COL5A3: variants seen among roughly 807,000 people sequenced by gnomAD.
COL5A3 encodes collagen type V alpha 3 chain, also known as collagen alpha-3(V) chain.
In COL5A3, 172 loss-of-function variants were observed where a neutral mutation model predicts 250.0. The ratio of observed to expected loss-of-function variants is 0.69; its 90% CI spans 0.61 to 0.78. The LOEUF (loss-of-function observed/expected upper bound fraction) is 0.78, where lower values mean the gene tolerates loss of function less well. COL5A3 is among the 30% of genes least tolerant of loss of function. The probability of loss-of-function intolerance (pLI) is 0.00; values close to 1 mark genes in which losing one functional copy is unlikely to be tolerated. For synonymous variants in COL5A3, 937 were observed against 900.4 expected, an observed-to-expected ratio of 1.04 and a Z score of -0.73; for missense variants, 2,340 against 2,334.4, an observed-to-expected ratio of 1.00 and a Z score of -0.05.
chr19:9,995,941 A>C (rs539949030), intron 15 of COL5A3, 125 bp downstream of exon 15: 1 of 976,556 alleles, frequency 1.0e-6, no homozygotes, highest in East Asian at 2.6e-5. Flanking sequence ...ACCATTCTCT[A>C]GGAAAGTCAT....
Position 9,968,149 on chromosome 19 carries a change from C to G in COL5A3, c.4315-70G>C, listed in dbSNP as rs941417813. On this transcript the variant is annotated intron_variant, in intron 59 of 66. Coordinates refer to ENST00000264828, the MANE Select transcript of COL5A3 (RefSeq NM_015719.4). This position sits in a 1 kb window ranked among gnomAD's most constrained non-coding sequence, Gnocchi z 4.1. The stretch of plus-strand genomic sequence containing the variant: ...TGCCCTGACACATCCCCCAGACAAG[C>G]CTTCAATCCTACCAAAGGAAGACCC... 3 of 1,432,566 alleles carry G rather than the reference C, an allele frequency of 2.1e-6. No homozygotes were observed. Among genetic ancestry groups the G allele is most frequent in the Non-Finnish European group, 2.9e-6 (3 of 1,043,700 alleles). 88.7% of individuals were successfully genotyped at this position (1,432,566 alleles called of 1,614,324 possible). A position where few individuals can be genotyped will look rare whatever the true frequency, so the allele number is the denominator to read the frequency against.
intron 11 of COL5A3, 84 bp from the exon 12 acceptor site, chr19:9,996,773 G>A: frequency 9.8e-7 from 1 of 1,016,764 alleles, no homozygotes; most frequent in South Asian, 1.6e-5. Flanking sequence ...AGAAGGATGA[G>A]TCAGAAAGAG....
intron 64 of COL5A3, among the ~76,000 whole-genome samples, chr19:9,963,537 G>T (rs1394122949): frequency 7.9e-6 from 1 of 126,088 alleles, no homozygotes; most frequent in African/African-American, 3.1e-5. Flanking sequence ...GATAATAGGA[G>T]TGTGCCACCA....
Position 9,966,606 on chromosome 19 carries a change from A to C in COL5A3, c.4599T>G (p.Pro1533=). ...LSLELEQLRR[P]PGTAERPGLV... is the part of the protein sequence containing the mutation. Reference sequence around the variant, plus strand: ...GGCCCGGGCGCTCCGCAGTGCCGGGAGGACGCCGCAGCTGCTCCAGCTCCA... The same window carrying C: ...GGCCCGGGCGCTCCGCAGTGCCGGGCGGACGCCGCAGCTGCTCCAGCTCCA... Residue 1533 remains proline (P), a synonymous_variant, in exon 63 of 67, where the codon CCT becomes CCG. Transcript: ENST00000264828. 6.5e-7 allele frequency: 1 copy of C among 1,539,682 alleles called. No individual in the cohort carries two copies. Among genetic ancestry groups the C allele is most frequent in the Non-Finnish European group, 8.7e-7 (1 of 1,147,002 alleles).
At position 9,989,516 on chromosome 19, in the gene COL5A3, G is replaced by A. The variant is rs373155063; in HGVS notation, c.1999C>T (p.Pro667Ser). The change falls in exon 25 of 67, where the codon CCT (proline) becomes TCT (serine). Residue 667 changes from proline (P) to serine (S), a missense_variant. Physicochemically the swap from Pro to Ser is moderately conservative, Grantham distance 74. Transcript: ENST00000264828. Reference protein sequence around the residue: ...LIGTPGEKGPPGNPGIPGLPG... With the variant: ...LIGTPGEKGPSGNPGIPGLPG... ...AGGCCTGGAATTCCTGGGTTTCCAG[G>A]GGGACCCTGAAAGAAGATGAACAGC... is the stretch of plus-strand genomic sequence containing the variant. The A allele has an allele frequency of 7.4e-6, 12 of 1,612,042 alleles. No individual in the cohort carries two copies. The highest frequency in any genetic ancestry group is 1.6e-4 in the Middle Eastern group (1 of 6,064).
chr19:9,972,808 C>T, intron 51 of COL5A3, 111 bp downstream of exon 51: 1 of 706,604 alleles, frequency 1.4e-6, no homozygotes, highest in East Asian at 3.0e-5. Flanking sequence ...TGCACTCCAG[C>T]CTGGTGACAG....
intron 50 of COL5A3, 130 bp from the exon 51 acceptor site, chr19:9,973,156 T>A: frequency 1.3e-6 from 1 of 759,036 alleles, no homozygotes; most frequent in Non-Finnish European, 2.1e-6. Context: ...GCCTAGGTTG[T>A]CCAAGGGTCA....
At chr19:9,996,322 A>G (rs1279051292) in intron 13 of COL5A3, 60 bp from the exon 14 acceptor site, 7 of 1,550,484 alleles carry the variant, frequency 4.5e-6, no homozygotes, top group Non-Finnish European at 6.1e-6. Context: ...CATTCCCCAC[A>G]GAGGCATCTT....
chr19:9,974,985 C>T (rs11672346), intron 45 of COL5A3, among the ~76,000 whole-genome samples: 6,520 of 152,092 alleles, frequency 0.043, 167 homozygotes, highest in Middle Eastern at 0.071. Flanking sequence ...GCAACCTCTG[C>T]CTCCCTGGTT....
intron 49 of COL5A3, 60 bp from the exon 50 acceptor site, chr19:9,973,683 C>T (rs376856666): frequency 6.2e-7 from 1 of 1,611,082 alleles, no homozygotes; most frequent in Non-Finnish European, 8.5e-7. Context: ...GGAGGGGCTC[C>T]CCAGAATGTC....
rs964904310 is a variant in COL5A3, at chr19:9,974,100, G to C, written c.3504+71C>G. On this transcript the variant is annotated intron_variant, in intron 47 of 66. Transcript: ENST00000264828. Reference sequence around the variant, plus strand: ...CTTAAAATGACAATGTCCCTCAAATGAATCTAATGCCTGCCGCCAACCTAT... The same window carrying C: ...CTTAAAATGACAATGTCCCTCAAATCAATCTAATGCCTGCCGCCAACCTAT... 1.2e-5 allele frequency: 18 copies of C among 1,547,452 alleles called. No individual in the cohort carries two copies. In the African/African-American group the frequency reaches 2.2e-4, roughly 19 times the overall value.
chr19:9,987,690 C>T (rs1260588171), intron 27 of COL5A3, among the ~76,000 whole-genome samples: 3 of 152,062 alleles, frequency 2.0e-5, no homozygotes, highest in Non-Finnish European at 4.4e-5. Context: ...CTCTAGGCTG[C>T]AGTGAGTGAA....
chr19:9,993,556 GTTGGGGGGGCTTGAATA>G, intron 18 of COL5A3, 46 bp downstream of exon 18: 1 of 1,592,702 alleles, frequency 6.3e-7, no homozygotes. Flanking sequence ...TGAGGGAGAA[GTTGGGGGGGCTTGAATA>G]TTGGGAGGAG....
chr19:9,969,943 A>G (rs1414189589), intron 54 of COL5A3, 21 bp from the exon 55 acceptor site: 4 of 1,595,600 alleles, frequency 2.5e-6, no homozygotes, highest in South Asian at 2.2e-5. Flanking sequence ...AAAGACAGTG[A>G]GGGGGGTCTA....
chr19:9,968,245 A>G lies in COL5A3; in HGVS notation c.4314+140T>C. On this transcript the variant is annotated intron_variant, in intron 59 of 66. Transcript: ENST00000264828. The surrounding 1 kb of genome is among the most constrained non-coding windows in gnomAD (Gnocchi z 4.1). Reference sequence around the variant, plus strand: ...CCCCAGACGCAGCCTCCAACTTGCCAGTTCCCAGATACATCCCCCTATTTT... The same window carrying G: ...CCCCAGACGCAGCCTCCAACTTGCCGGTTCCCAGATACATCCCCCTATTTT... 1 of 978,286 alleles carries G rather than the reference A, an allele frequency of 1.0e-6. No individual in the cohort carries two copies. Among genetic ancestry groups the G allele is most frequent in the South Asian group, 1.5e-5 (1 of 66,866 alleles). The allele number at this position is 978,286 out of a possible 1,614,324, so 60.6% of individuals were successfully genotyped here.
intron 61 of COL5A3, chr19:9,967,675 T>C (rs969789057): frequency 1.8e-6 from 1 of 547,388 alleles, no homozygotes; most frequent in Non-Finnish European, 3.1e-6. Flanking sequence ...CATAGTTTAC[T>C]TGGCAGAACT....
At chr19:9,984,068 A>C (rs2087059817) in intron 31 of COL5A3, among the ~76,000 whole-genome samples, 1 of 151,754 alleles carries the variant, frequency 6.6e-6, no homozygotes, top group Non-Finnish European at 1.5e-5. Context: ...TCTGTTGCCC[A>C]GGGTGGAGTA....
At position 10,009,163 on chromosome 19, in the gene COL5A3, T is replaced by G. The variant is rs977872372; in HGVS notation, c.88+1135A>C. 1.4e-4 allele frequency among the ~76,000 whole-genome samples: 5 copies of G among 34,734 alleles called. No homozygotes were observed. Among genetic ancestry groups the G allele is most frequent in the Non-Finnish European group, 5.2e-5 (1 of 19,094 alleles). 22.8% of individuals were successfully genotyped at this position (34,734 alleles called of 152,430 possible). On this transcript the variant is annotated intron_variant, in intron 1 of 66. Transcript: ENST00000264828. This position sits in a 1 kb window ranked among gnomAD's most constrained non-coding sequence, Gnocchi z 4.4. ...CTCCAAAGTAAGAAGTGTGCTGTGG[T>G]GTGTGTGTGTGTGTGTGTGTGTGTG...
At chr19:9,997,337 C>T (rs759983589) in intron 11 of COL5A3, 34 bp downstream of exon 11, 3 of 1,546,546 alleles carry the variant, frequency 1.9e-6, no homozygotes, top group Non-Finnish European at 2.7e-6. Context: ...CCTCACTCCT[C>T]TGAGAAGTGT....
Sources: gnomAD v4.1 joint callset for allele counts (sites outside exome capture counted in the v4.1 genomes callset) on GRCh38, gnomAD v4.1.1 for gene constraint, Gnocchi (gnomAD v3.1) non-coding constraint, MANE v1.5 for transcripts, NCBI Gene and HGNC (gene_info 2026-07-23, HGNC 2026-07-21) for gene names.